The following IQGAP3 variants were observed in gnomAD, a reference collection of about 807,000 sequenced individuals.
IQGAP3 encodes the protein ras GTPase-activating-like protein IQGAP3.
A neutral mutation model predicts 208.2 loss-of-function variants in IQGAP3; 165 were observed. The observed-to-expected ratio is 0.79, with a 90% CI of 0.70 to 0.90. IQGAP3 has a LOEUF of 0.90. Ranked by LOEUF, IQGAP3 falls within the 40% of genes least tolerant of loss-of-function variation. IQGAP3 has a pLI of 0.00. For missense variants in IQGAP3, 1,811 were observed against 2,043.1 expected, an observed-to-expected ratio of 0.89 and a Z score of 2.19; for synonymous variants, 703 against 803.6, an observed-to-expected ratio of 0.87 and a Z score of 2.12.
rs1474710245 is a variant in IQGAP3, at chr1:156,554,325, G to A, written c.1358C>T (p.Ala453Val). ...MLSAVVLINRALEARDASGFW... is the reference protein window; with the variant it reads ...MLSAVVLINRVLEARDASGFW... ...GCCACTGGCATCCCGGGCCTCCAGG[G>A]CCCGGTTAATCAGGACCACAGCTGA... The change falls in exon 13 of 38, where the codon GCC becomes GTC. Residue 453 changes from alanine (A) to valine (V), a missense_variant. Coordinates refer to ENST00000361170, the MANE Select transcript of IQGAP3 (RefSeq NM_178229.5). 6.2e-7 allele frequency: 1 copy of A among 1,614,126 alleles called. No homozygotes were observed. The highest frequency in any genetic ancestry group is 8.5e-7 in the Non-Finnish European group (1 of 1,179,998).
chr1:156,527,835 G>T, intron 37 of IQGAP3, 117 bp downstream of exon 37: 1 of 677,630 alleles, frequency 1.5e-6, no homozygotes. Context: ...ATACTGATTG[G>T]GTGAAAAACT....
intron 5 of IQGAP3, among the ~76,000 whole-genome samples, chr1:156,564,114 G>A (rs1314887626): frequency 6.6e-6 from 1 of 152,128 alleles, no homozygotes; most frequent in African/African-American, 2.4e-5. Context: ...GGACAGGAAG[G>A]GCGCAGCAAG....
chr1:156,567,718 T>A (rs112619987), intron 2 of IQGAP3, among the ~76,000 whole-genome samples: 1 of 150,716 alleles, frequency 6.6e-6, no homozygotes, highest in Non-Finnish European at 1.5e-5. Flanking sequence ...TCCTGACTCC[T>A]TTAAGAACAT....
At chr1:156,546,399 T>C (rs763375598) in intron 19 of IQGAP3, among the ~76,000 whole-genome samples, 4 of 152,180 alleles carry the variant, frequency 2.6e-5, no homozygotes, top group Non-Finnish European at 5.9e-5. Flanking sequence ...TAGTGACAAA[T>C]GTTCCCTCTG....
At position 156,539,548 on chromosome 1, in the gene IQGAP3, G is replaced by C; in HGVS notation, c.2893-11C>G. The C allele has an allele frequency of 6.2e-7, 1 of 1,614,020 alleles. No homozygotes were observed. Reference sequence around the variant, plus strand: ...GTAGATGGGCTGAGTCTGCAAGCAAGAGGGGAGACAGGAATGGCTGACCAT... The same window carrying C: ...GTAGATGGGCTGAGTCTGCAAGCAACAGGGGAGACAGGAATGGCTGACCAT... On this transcript the variant is annotated splice_polypyrimidine_tract_variant and intron_variant, in intron 24 of 37. Transcript: ENST00000361170.
rs1472991107 is a variant in IQGAP3 at position 156,540,800 on chromosome 1, T to G, written c.2647A>C (p.Arg883=). The change falls in exon 23 of 38, where the codon AGG becomes CGG. Residue 883 remains arginine, a synonymous_variant. Coordinates refer to ENST00000361170, the MANE Select transcript of IQGAP3 (RefSeq NM_178229.5). The part of the protein sequence containing the change: ...ELLKLQEEVV[R]KIRSNQQLEQ... Reference sequence around the variant, plus strand: ...AGCTGCTGATTGGATCGGATCTTCCTAACTACCTCTTCCTGGAGCTTCAGC... The same window carrying G: ...AGCTGCTGATTGGATCGGATCTTCCGAACTACCTCTTCCTGGAGCTTCAGC... 2 of 1,614,138 alleles carry G rather than the reference T, an allele frequency of 1.2e-6. No individual in the cohort carries two copies. The highest frequency in any genetic ancestry group is 1.7e-5 in the Admixed American group (1 of 60,014).
At chr1:156,568,509 G>A (rs1420442836) in intron 2 of IQGAP3, among the ~76,000 whole-genome samples, 2 of 152,112 alleles carry the variant, frequency 1.3e-5, no homozygotes, top group East Asian at 1.9e-4. Context: ...GAGCCACAGC[G>A]CCCATCCAGG....
At position 156,551,845 on chromosome 1, in the gene IQGAP3, T is replaced by A. The variant is rs1215952373; in HGVS notation, c.1594A>T (p.Asn532Tyr). The A allele has an allele frequency of 6.2e-7, 1 of 1,609,218 alleles. No individual in the cohort carries two copies. Among genetic ancestry groups the A allele is most frequent in the African/African-American group, 1.3e-5 (1 of 74,740 alleles). The part of the protein sequence containing the change: ...TDRVLAVSLI[N>Y]EALDKGSPEK... ...GGGCTGCCTTTGTCCAGAGCCTCAT[T>A]GATGAGGCTGACTGCAAGGACCCCT... Residue 532 changes from asparagine (N) to tyrosine (Y), a missense_variant, in exon 15 of 38, where the codon AAT becomes TAT. Asn to Tyr is a moderately radical substitution (Grantham distance 143). Transcript: ENST00000361170.
intron 29 of IQGAP3, 93 bp from the exon 30 acceptor site, chr1:156,534,234 G>C: frequency 1.9e-6 from 3 of 1,575,414 alleles, no homozygotes; most frequent in Non-Finnish European, 2.6e-6. Context: ...TCCAGTGATT[G>C]CTCAGGCCAA....
rs1375255894 is a variant in IQGAP3, at chr1:156,534,141, C to T, written c.3741G>A (p.Arg1247=). The part of the protein sequence containing the change: ...DYLEETHLKF[R]KFIHRACQVP... ...CCTGGCAGGCTCTATGGATGAACTTCCTGTCCAGAGGGCGGGCATGTGAGA... is the reference window on the plus strand; with the variant it reads ...CCTGGCAGGCTCTATGGATGAACTTTCTGTCCAGAGGGCGGGCATGTGAGA... Residue 1247 remains arginine (R), a splice_region_variant and synonymous_variant, in exon 30 of 38, where the codon AGG becomes AGA. Coordinates refer to ENST00000361170, the MANE Select transcript of IQGAP3 (RefSeq NM_178229.5). 1.9e-6 allele frequency: 3 copies of T among 1,613,414 alleles called. No homozygotes were observed. The highest frequency in any genetic ancestry group is 2.5e-6 in the Non-Finnish European group (3 of 1,180,040).
chr1:156,571,619 T>C (rs1021448972), intron 1 of IQGAP3, among the ~76,000 whole-genome samples: 1 of 152,194 alleles, frequency 6.6e-6, no homozygotes, highest in East Asian at 1.9e-4. Flanking sequence ...CTCAGAGTTA[T>C]GAACTGAGGA....
intron 12 of IQGAP3, 66 bp from the exon 13 acceptor site, chr1:156,554,458 C>T (rs1469810641): frequency 1.4e-6 from 2 of 1,460,638 alleles, no homozygotes; most frequent in Non-Finnish European, 1.8e-6. Flanking sequence ...TATTCACCAT[C>T]CTGCCCCCAA....
chr1:156,564,531 T>G (rs952342266), intron 5 of IQGAP3, 84 bp downstream of exon 5: 26 of 898,190 alleles, frequency 2.9e-5, no homozygotes, highest in African/African-American at 2.7e-4. Flanking sequence ...CCCTTCATCC[T>G]TCTTTCTTGC....
chr1:156,566,653 C>T (rs1676412592), intron 2 of IQGAP3, 107 bp from the exon 3 acceptor site: 2 of 1,030,542 alleles, frequency 1.9e-6, no homozygotes, highest in African/African-American at 3.2e-5. Flanking sequence ...CCTGACCCTC[C>T]TCTGCTTCCT....
chr1:156,556,297 A>G (rs1675817991), intron 12 of IQGAP3, among the ~76,000 whole-genome samples: 1 of 152,262 alleles, frequency 6.6e-6, no homozygotes, highest in Non-Finnish European at 1.5e-5. Context: ...TCTCTAAAAT[A>G]GAATGCCTCC....
chr1:156,554,213 T>A (rs761393629), intron 13 of IQGAP3, 22 bp downstream of exon 13: 1 of 1,587,740 alleles, frequency 6.3e-7, no homozygotes, highest in Admixed American at 1.8e-5. Context: ...TCACTCCCAA[T>A]GTGTGGCTAA....
rs1480410694 is a variant in IQGAP3, at chr1:156,534,089, C to A, written c.3793G>T (p.Val1265Leu). 6.2e-7 allele frequency: 1 copy of A among 1,614,106 alleles called. No individual in the cohort carries two copies. The highest frequency in any genetic ancestry group is 1.7e-5 in the Admixed American group (1 of 60,034). The change falls in exon 30 of 38, where the codon GTG becomes TTG. Residue 1265 changes from valine to leucine, a missense_variant. Val to Leu is a conservative substitution (Grantham distance 32, BLOSUM62 1). Transcript: ENST00000361170. ...GCCACCATGTCTGAGTACTCGTCCA[C>A]TGCAAAACGCTCCTCTGGCTCTGGC... ...QVPEPEERFA[V>L]DEYSDMVAVA...
At chr1:156,551,523 A>G (rs1168824742) in intron 15 of IQGAP3, among the ~76,000 whole-genome samples, 182 bp downstream of exon 15, 1 of 152,128 alleles carries the variant, frequency 6.6e-6, no homozygotes, top group Non-Finnish European at 1.5e-5. Context: ...TGCTTTTCCC[A>G]TGGACTGCCC....
chr1:156,540,085 T>C (rs983583435), intron 23 of IQGAP3, 95 bp from the exon 24 acceptor site: 2 of 1,410,518 alleles, frequency 1.4e-6, no homozygotes, highest in Non-Finnish European at 2.0e-6. Flanking sequence ...GAGCCAGGGC[T>C]TTCTGCTGTT....
Sources: allele counts gnomAD v4.1 joint callset (sites outside exome capture counted in the v4.1 genomes callset), GRCh38; gene constraint gnomAD v4.1.1; transcripts MANE v1.5; gene names NCBI Gene and HGNC (gene_info 2026-07-23, HGNC 2026-07-21).